The following SPOCK1 variants were observed in gnomAD, a reference collection of about 807,000 sequenced individuals.
The protein encoded by SPOCK1 is testican-1.
A neutral mutation model predicts 55.3 loss-of-function variants in SPOCK1; 23 were observed. The ratio of observed to expected loss-of-function variants is 0.42; its 90% CI spans 0.30 to 0.59. SPOCK1 has a LOEUF of 0.59. SPOCK1 is among the 20% of genes least tolerant of loss of function. SPOCK1 has a pLI of 0.22. For synonymous variants in SPOCK1, 226 were observed against 221.0 expected, an observed-to-expected ratio of 1.02 and a Z score of -0.20; for missense variants, 499 against 552.5, an observed-to-expected ratio of 0.90 and a Z score of 0.97.
Position 137,498,462 on chromosome 5 carries a change from GGCCCGC to G in SPOCK1, c.91_96del (p.Ala31_Gly32del), listed in dbSNP as rs765728688. On this transcript the variant is annotated inframe_deletion, in exon 2 of 11. Transcript: ENST00000394945. ...TTGTCTAGGAAATTGCCGTGGTTGGGGCCCGCGCCTCCGGCGAGCGCGTCCAGGTGC... is the reference window on the plus strand; with the variant it reads ...TTGTCTAGGAAATTGCCGTGGTTGGGGCCTCCGGCGAGCGCGTCCAGGTGC... 1.9e-6 allele frequency: 3 copies of G among 1,609,342 alleles called. No homozygotes were observed. The African/African-American group carries it at 4.0e-5, about 21-fold the overall frequency.
At chr5:137,242,846 G>A (rs574075382) in intron 3 of SPOCK1, among the ~76,000 whole-genome samples, 8 of 152,298 alleles carry the variant, frequency 5.3e-5, no homozygotes, top group African/African-American at 1.9e-4. Context: ...GCAGGGCGGA[G>A]AACATTGTGT....
At chr5:137,320,851 G>C (rs981677619) in intron 2 of SPOCK1, among the ~76,000 whole-genome samples, 4 of 152,032 alleles carry the variant, frequency 2.6e-5, no homozygotes, top group African/African-American at 9.7e-5. Context: ...AAAATTATAA[G>C]GCTCACAAAG....
intron 3 of SPOCK1, among the ~76,000 whole-genome samples, chr5:137,214,866 T>C (rs1755685533): frequency 6.6e-6 from 1 of 152,206 alleles, no homozygotes; most frequent in Non-Finnish European, 1.5e-5. Flanking sequence ...TCCACTCCTA[T>C]GCATATTTTT....
chr5:137,316,831 G>A (rs1311053968), intron 2 of SPOCK1, among the ~76,000 whole-genome samples: 5 of 152,168 alleles, frequency 3.3e-5, no homozygotes, highest in Admixed American at 3.3e-4. Context: ...TTATTTAACA[G>A]TTAGAATAAC....
chr5:137,287,581 TA>T (rs1435935583), intron 2 of SPOCK1, among the ~76,000 whole-genome samples: 1 of 152,232 alleles, frequency 6.6e-6, no homozygotes, highest in Non-Finnish European at 1.5e-5. Flanking sequence ...TTTCCATTTT[TA>T]ATCTCCAACT....
At chr5:137,214,551 G>A (rs148966469) in intron 3 of SPOCK1, among the ~76,000 whole-genome samples, 2 of 140,984 alleles carry the variant, frequency 1.4e-5, no homozygotes, top group East Asian at 2.1e-4. Context: ...CAACAACAAC[G>A]ATGTCAGATG....
At chr5:137,002,390 T>C (rs1167602616) in intron 6 of SPOCK1, among the ~76,000 whole-genome samples, 3 of 151,904 alleles carry the variant, frequency 2.0e-5, no homozygotes, top group Non-Finnish European at 4.4e-5. Context: ...TTTTTTTTTC[T>C]CCCTGAATAA....
intron 7 of SPOCK1, among the ~76,000 whole-genome samples, chr5:136,991,926 G>A (rs1750956137): frequency 6.6e-6 from 1 of 152,212 alleles, no homozygotes; most frequent in African/African-American, 2.4e-5. Flanking sequence ...GGGGACACCT[G>A]TCTGGGAGTT....
At chr5:137,043,415 C>T (rs1205594341) in intron 6 of SPOCK1, among the ~76,000 whole-genome samples, 1 of 152,122 alleles carries the variant, frequency 6.6e-6, no homozygotes, top group Non-Finnish European at 1.5e-5. Context: ...GGAGATGGAA[C>T]ATTAAATACC....
chr5:137,422,749 A>AG (rs1561531893), intron 2 of SPOCK1, among the ~76,000 whole-genome samples: 1 of 152,102 alleles, frequency 6.6e-6, no homozygotes, highest in Non-Finnish European at 1.5e-5. Flanking sequence ...TTTAGCTTGG[A>AG]GTAGTTTGAT....
chr5:137,083,137 T>C (rs951745650), intron 5 of SPOCK1, among the ~76,000 whole-genome samples: 1 of 152,232 alleles, frequency 6.6e-6, no homozygotes, highest in African/African-American at 2.4e-5. Flanking sequence ...AATTCTGCAC[T>C]GCAAAGTAAT....
Position 137,261,747 on chromosome 5 carries a change from G to A in SPOCK1, c.232+5263C>T, listed in dbSNP as rs144436646. Among the ~76,000 whole-genome samples, 70 of 152,272 alleles carry A rather than the reference G, an allele frequency of 4.6e-4. 1 individual carries two copies. The East Asian group carries it at 0.011, about 24-fold the overall frequency. On this transcript the variant is annotated intron_variant, in intron 3 of 10. Coordinates refer to ENST00000394945, the MANE Select transcript of SPOCK1 (RefSeq NM_004598.4). Reference sequence around the variant, plus strand: ...AATGTCTATACACTTTATCTAAAGCGTTCATTGATTCCACTTTAAAGGAAC... The same window carrying A: ...AATGTCTATACACTTTATCTAAAGCATTCATTGATTCCACTTTAAAGGAAC...
chr5:137,043,115 A>G (rs1174655674), intron 6 of SPOCK1, among the ~76,000 whole-genome samples: 2 of 152,196 alleles, frequency 1.3e-5, no homozygotes, highest in South Asian at 4.1e-4. Flanking sequence ...GTTCAAGAGT[A>G]GGTAAATAAA....
At chr5:137,468,482 C>T (rs1753667315) in intron 2 of SPOCK1, among the ~76,000 whole-genome samples, 1 of 152,166 alleles carries the variant, frequency 6.6e-6, no homozygotes, top group Non-Finnish European at 1.5e-5. Flanking sequence ...TGTATTTGTA[C>T]AGGAAAAGAA....
At chr5:137,224,114 G>A (rs1034637247) in intron 3 of SPOCK1, among the ~76,000 whole-genome samples, 48 of 152,180 alleles carry the variant, frequency 3.2e-4, no homozygotes, top group Admixed American at 2.6e-4. Flanking sequence ...AAGAGGAACA[G>A]CATAGCTCAG....
intron 2 of SPOCK1, among the ~76,000 whole-genome samples, chr5:137,447,529 T>C (rs959105757): frequency 3.9e-5 from 6 of 152,162 alleles, no homozygotes; most frequent in Admixed American, 2.6e-4. Flanking sequence ...AATAAATCGG[T>C]ATTATATTAC....
intron 4 of SPOCK1, among the ~76,000 whole-genome samples, chr5:137,121,959 T>C (rs1190729664): frequency 6.7e-6 from 1 of 148,308 alleles, no homozygotes; most frequent in Non-Finnish European, 1.5e-5. Flanking sequence ...ATTATATATA[T>C]ATATATGATG....
intron 2 of SPOCK1, among the ~76,000 whole-genome samples, chr5:137,467,197 G>T (rs1753638714): frequency 6.6e-6 from 1 of 152,228 alleles, no homozygotes; most frequent in Non-Finnish European, 1.5e-5. Flanking sequence ...CACGTTCTCT[G>T]TAACCTAATT....
At chr5:137,377,691 G>A (rs549119859) in intron 2 of SPOCK1, among the ~76,000 whole-genome samples, 2 of 152,096 alleles carry the variant, frequency 1.3e-5, no homozygotes, top group East Asian at 1.9e-4. Flanking sequence ...TCGTGGGAGG[G>A]GGCCACTTCT....
Sources: gnomAD v4.1 joint callset for allele counts (sites outside exome capture counted in the v4.1 genomes callset) on GRCh38, gnomAD v4.1.1 for gene constraint, MANE v1.5 for transcripts, NCBI Gene and HGNC (gene_info 2026-07-23, HGNC 2026-07-21) for gene names.